The following UNC80 variants were observed in gnomAD, a reference collection of about 807,000 sequenced individuals.
UNC80 encodes the protein unc-80 subunit of NALCN channel complex, also known as protein unc-80 homolog.
Under a neutral mutation model 384.6 loss-of-function variants are expected in UNC80, and 164 were observed. The observed-to-expected ratio is 0.43, with a 90% CI of 0.38 to 0.49. The LOEUF is 0.49. UNC80 is among the 20% of genes least tolerant of loss of function. The probability of loss-of-function intolerance (pLI) is 0.00; values close to 1 mark genes in which losing one functional copy is unlikely to be tolerated. For missense variants in UNC80, 3,330 were observed against 4,143.0 expected, an observed-to-expected ratio of 0.80 and a Z score of 5.39; for synonymous variants, 1,486 against 1,527.8, an observed-to-expected ratio of 0.97 and a Z score of 0.64.
chr2:209,896,868 C>T (rs2086849319), intron 28 of UNC80, among the ~76,000 whole-genome samples: 1 of 152,106 alleles, frequency 6.6e-6, no homozygotes, highest in Admixed American at 6.5e-5. Context: ...AGCCAGAGGG[C>T]ACAGGCAGGA....
intron 51 of UNC80, among the ~76,000 whole-genome samples, chr2:209,966,260 A>G (rs769455151): frequency 1.3e-5 from 2 of 152,240 alleles, no homozygotes; most frequent in Non-Finnish European, 2.9e-5. Context: ...GACAAAGAAT[A>G]TGAACATTTC....
intron 20 of UNC80, 138 bp downstream of exon 20, chr2:209,840,786 C>T: frequency 1.5e-6 from 1 of 663,914 alleles, no homozygotes; most frequent in Admixed American, 2.9e-5. Context: ...ACTTTGGAAA[C>T]TTAGATAAGC....
At chr2:209,949,964 A>G (rs1034113421) in intron 47 of UNC80, among the ~76,000 whole-genome samples, 1 of 152,036 alleles carries the variant, frequency 6.6e-6, no homozygotes, top group Non-Finnish European at 1.5e-5. Flanking sequence ...AGTAGCCGGC[A>G]CTACAGGCGG....
At chr2:209,929,792 C>A in intron 36 of UNC80, 79 bp from the exon 37 acceptor site, 1 of 1,116,432 alleles carries the variant, frequency 9.0e-7, no homozygotes, top group Non-Finnish European at 1.2e-6. Context: ...GAGACTAAAG[C>A]TTGTAAATTG....
intron 48 of UNC80, 50 bp downstream of exon 48, chr2:209,954,320 T>TAA: frequency 1.5e-6 from 2 of 1,328,650 alleles, no homozygotes; most frequent in East Asian, 2.8e-5. Context: ...ATGTTTCCAC[T>TAA]GAAAAAAAAA....
In UNC80 at chr2:209,771,957, G is replaced by A. The variant is rs911092995; in HGVS notation, c.-116G>A. 9.4e-6 allele frequency: 7 copies of A among 742,384 alleles called. 1 individual carries two copies. The highest frequency in any genetic ancestry group is 3.6e-4 in the Middle Eastern group (1 of 2,810). The allele number at this position is 742,384 out of a possible 1,614,324, so 46.0% of individuals were successfully genotyped here. A position where few individuals can be genotyped will look rare whatever the true frequency, so the allele number is the denominator to read the frequency against. ...ACGGGGGATCAGGGCGGAGAGAGCC[G>A]GCTCTGCCTCGGGGAAGGAGGGGAT... On this transcript the variant is annotated 5_prime_UTR_variant, in exon 1 of 65. Coordinates refer to ENST00000673920, the MANE Select transcript of UNC80 (RefSeq NM_001371986.1).
At chr2:209,891,097 A>G (rs1350431683) in intron 26 of UNC80, among the ~76,000 whole-genome samples, 1 of 152,240 alleles carries the variant, frequency 6.6e-6, no homozygotes, top group Non-Finnish European at 1.5e-5. Flanking sequence ...TTTGGATAAC[A>G]ACAAATGAAC....
intron 22 of UNC80, among the ~76,000 whole-genome samples, chr2:209,857,158 A>G (rs2082996655): frequency 6.6e-6 from 1 of 152,124 alleles, no homozygotes; most frequent in Non-Finnish European, 1.5e-5. Flanking sequence ...GTTAGAACTT[A>G]AACATCACTT....
At chr2:209,908,788 G>C (rs2088575163) in intron 29 of UNC80, among the ~76,000 whole-genome samples, 1 of 152,052 alleles carries the variant, frequency 6.6e-6, no homozygotes, top group Non-Finnish European at 1.5e-5. Flanking sequence ...TAATTTCATG[G>C]GCCAGGATGA....
chr2:209,859,476 T>G (rs1009381193), intron 22 of UNC80, among the ~76,000 whole-genome samples: 2 of 152,216 alleles, frequency 1.3e-5, no homozygotes, highest in South Asian at 2.1e-4. Flanking sequence ...CTATTGTAAA[T>G]AGTGCTGCAA....
At chr2:209,851,682 G>A (rs1324954087) in intron 22 of UNC80, among the ~76,000 whole-genome samples, 3 of 151,942 alleles carry the variant, frequency 2.0e-5, no homozygotes, top group Non-Finnish European at 4.4e-5. Context: ...TTAGTGTACA[G>A]CATTCTAAGG....
At chr2:209,918,472 C>T in intron 32 of UNC80, 60 bp from the exon 33 acceptor site, 6 of 1,506,086 alleles carry the variant, frequency 4.0e-6, no homozygotes, top group Non-Finnish European at 5.4e-6. Context: ...CATCATTATA[C>T]TTCAGCCTCA....
chr2:209,955,324 A>C (rs2092358935), intron 48 of UNC80, among the ~76,000 whole-genome samples: 4 of 152,054 alleles, frequency 2.6e-5, no homozygotes. Flanking sequence ...AAAAAGAGAG[A>C]GTGGGATTGT....
chr2:209,788,385 C>A (rs1378199008), intron 5 of UNC80, among the ~76,000 whole-genome samples: 2 of 150,556 alleles, frequency 1.3e-5, no homozygotes, highest in Admixed American at 1.3e-4. Context: ...CCATTGCACT[C>A]CAGCCTGGGC....
At position 209,972,714 on chromosome 2, in the gene UNC80, T is replaced by G. The variant is rs2092915044; in HGVS notation, c.8381-350T>G. On this transcript the variant is annotated intron_variant, in intron 55 of 64. Coordinates refer to ENST00000673920, the MANE Select transcript of UNC80 (RefSeq NM_001371986.1). ...GCCACTGTCATTAAATTCCAATGTA[T>G]TTTCATTACTCTTTCTTCTTAGGGG... 1.3e-5 allele frequency among the ~76,000 whole-genome samples: 2 copies of G among 152,230 alleles called. 1 individual carries two copies. The highest frequency in any genetic ancestry group is 2.9e-5 in the Non-Finnish European group (2 of 68,042).
rs753127968 is a variant in UNC80 at position 209,926,924 on chromosome 2, C to T, written c.5744C>T (p.Ala1915Val). 5 of 1,552,214 alleles carry T rather than the reference C, an allele frequency of 3.2e-6. No homozygotes were observed. The highest frequency in any genetic ancestry group is 4.4e-6 in the Non-Finnish European group (5 of 1,147,070). The change falls in exon 36 of 65, where the codon GCA becomes GTA. Residue 1915 changes from alanine to valine, a missense_variant. Ala to Val is a moderately conservative substitution (Grantham distance 64). Transcript: ENST00000673920. ...PQAVFPACIC[A>V]AVLPIVHLME... is the part of the protein sequence containing the mutation. Reference sequence around the variant, plus strand: ...GCAGTGTTCCCAGCATGCATCTGTGCAGCAGTACTTCCCATTGTTCATCTG... The same window carrying T: ...GCAGTGTTCCCAGCATGCATCTGTGTAGCAGTACTTCCCATTGTTCATCTG...
intron 4 of UNC80, among the ~76,000 whole-genome samples, chr2:209,781,774 T>C (rs1476877): frequency 0.15 from 22,299 of 152,170 alleles, 2,463 homozygotes; most frequent in African/African-American, 0.3. Context: ...CCTAATTATA[T>C]ATTTCAAATC....
intron 51 of UNC80, among the ~76,000 whole-genome samples, chr2:209,966,391 AAT>A (rs1394913730): frequency 1.3e-5 from 2 of 152,230 alleles, no homozygotes; most frequent in Admixed American, 6.5e-5. Flanking sequence ...ATTACCTCTT[AAT>A]ATTATCTTGT....
chr2:209,878,044 A>G lies in UNC80; in HGVS notation c.3931A>G (p.Arg1311Gly). ...LGLIYDEETK[R>G]RLRKEDEEED... ...TCTCATTTACGATGAAGAGACCAAG[A>G]GGAGACTTAGAAAGGAGGATGAGGA... The change falls in exon 24 of 65, where the codon AGG (arginine) becomes GGG (glycine). Residue 1311 changes from arginine to glycine, a missense_variant. Physicochemically the swap from Arg to Gly is moderately radical, Grantham distance 125 (BLOSUM62 -2). Around this residue, in one of 8 missense-constraint regions of UNC80, gnomAD observed 801 missense variants for 950.8 expected, o/e 0.84. Coordinates refer to ENST00000673920, the MANE Select transcript of UNC80 (RefSeq NM_001371986.1). 1 of 1,545,012 alleles carries G rather than the reference A, an allele frequency of 6.5e-7. No individual in the cohort carries two copies. The highest frequency in any genetic ancestry group is 8.7e-7 in the Non-Finnish European group (1 of 1,143,852).
Sources: gnomAD v4.1 joint callset for allele counts (sites outside exome capture counted in the v4.1 genomes callset) on GRCh38, gnomAD v4.1.1 for gene constraint, gnomAD v4.1.1 regional missense constraint, MANE v1.5 for transcripts, NCBI Gene and HGNC (gene_info 2026-07-23, HGNC 2026-07-21) for gene names.